The following XKRX variants were observed in gnomAD, a reference collection of about 807,000 sequenced individuals.
XKRX encodes the protein XK-related protein 2.
In XKRX, 11 loss-of-function variants were observed where a neutral mutation model predicts 22.4. The observed-to-expected ratio is 0.49, with a 90% CI of 0.31 to 0.81. XKRX has a LOEUF of 0.81. XKRX is among the 40% of genes least tolerant of loss of function. XKRX has a pLI of 0.05. For missense variants in XKRX, 320 were observed against 336.5 expected (o/e 0.95, Z 0.38); for synonymous variants, 114 against 132.2 (o/e 0.86, Z 0.94).
At chrX:100,935,670 C>G in the XKRX span, among the ~76,000 whole-genome samples, 4 of 112,243 alleles carry the variant, frequency 3.6e-5, no homozygotes, top group Non-Finnish European at 7.5e-5. Flanking sequence ...ACTCTTCCTT[C>G]CGAAACTTCT....
chrX:100,956,806 C>A, the XKRX span: 1 of 585,259 alleles, frequency 1.7e-6, no homozygotes, highest in Non-Finnish European at 3.0e-6. Context: ...GGTTTGTATT[C>A]ATCAAGACAA....
chrX:100,896,942 G>A, the XKRX span, among the ~76,000 whole-genome samples: 2 of 111,859 alleles, frequency 1.8e-5, no homozygotes, highest in South Asian at 7.4e-4. Flanking sequence ...TTATCAAGTT[G>A]GTGGCATAAT....
chrX:100,931,405 C>T (rs2085521670), upstream of XKRX, among the ~76,000 whole-genome samples: 1 of 111,110 alleles, frequency 9.0e-6, no homozygotes, highest in Admixed American at 9.6e-5. Context: ...AGCCAGTTTT[C>T]TCACTTCTCC....
chrX:100,939,883 T>A, the XKRX span, among the ~76,000 whole-genome samples: 1 of 111,921 alleles, frequency 8.9e-6, no homozygotes, highest in South Asian at 3.7e-4. Context: ...ATTAACACAA[T>A]CAGTGGGAAA....
At chrX:100,894,448 T>C in the XKRX span, among the ~76,000 whole-genome samples, 21 of 111,569 alleles carry the variant, frequency 1.9e-4, no homozygotes, top group Non-Finnish European at 3.2e-4. Flanking sequence ...ATTGCATCTT[T>C]AATATTTTGA....
Position 100,928,819 on chromosome X carries a change from G to T in XKRX, c.-515C>A. ...AGAAGAGCGGGCGCAGAAGAAGGAG[G>T]GCAGAAGAGGGGATTCAGTTCAGTG... On this transcript the variant is annotated 5_prime_UTR_variant, in exon 1 of 3. Coordinates refer to ENST00000372956, the MANE Select transcript of XKRX (RefSeq NM_212559.3). 1.3e-6 allele frequency: 1 copy of T among 756,624 alleles called. No homozygotes were observed. The highest frequency in any genetic ancestry group is 1.6e-6 in the Non-Finnish European group (1 of 641,194). 62.4% of individuals were successfully genotyped at this position (756,624 alleles called of 1,213,427 possible).
At chrX:100,889,923 G>A in the XKRX span, among the ~76,000 whole-genome samples, 1 of 111,780 alleles carries the variant, frequency 8.9e-6, no homozygotes, top group South Asian at 3.8e-4. Context: ...AGGATCACCT[G>A]ACCCCAGGAG....
At chrX:100,957,474 A>G in the XKRX span, 1 of 1,194,159 alleles carries the variant, frequency 8.4e-7, no homozygotes, top group Non-Finnish European at 1.1e-6. Flanking sequence ...GCTGGTCTTC[A>G]GGGAGGAAAT....
chrX:100,953,995 C>T, the XKRX span, among the ~76,000 whole-genome samples: 9 of 105,080 alleles, frequency 8.6e-5, no homozygotes, highest in Admixed American at 9.3e-4. Context: ...CTGAAATAGA[C>T]ATTTCTCCAA....
upstream of XKRX, among the ~76,000 whole-genome samples, chrX:100,932,693 C>T (rs1477840730): frequency 2.7e-5 from 3 of 111,969 alleles, no homozygotes; most frequent in Non-Finnish European, 5.6e-5. Context: ...GTAAGAGGTG[C>T]GTGGCATCCA....
chrX:100,888,670 A>G, the XKRX span: 1 of 367,332 alleles, frequency 2.7e-6, no homozygotes, highest in Non-Finnish European at 4.8e-6. Flanking sequence ...TGACAAACGT[A>G]TCTGGAGAGG....
the XKRX span, among the ~76,000 whole-genome samples, chrX:100,937,663 A>G: frequency 8.9e-6 from 1 of 112,219 alleles, no homozygotes; most frequent in East Asian, 2.8e-4. Context: ...GTCCTGGGCC[A>G]GAGTTAAGGT....
At chrX:100,898,289 G>T in the XKRX span, among the ~76,000 whole-genome samples, 1 of 111,413 alleles carries the variant, frequency 9.0e-6, no homozygotes, top group East Asian at 2.8e-4. Context: ...CTTGGTGCAA[G>T]TTGCTTTTGC....
At chrX:100,887,922 C>T in the XKRX span, 362 of 1,120,828 alleles carry the variant, frequency 3.2e-4, 1 homozygote, top group South Asian at 4.7e-3. Context: ...AAAGCCACCA[C>T]GACCACTGAC....
chrX:100,932,453 A>G (rs1007382635), upstream of XKRX, among the ~76,000 whole-genome samples: 2 of 112,015 alleles, frequency 1.8e-5, no homozygotes, highest in East Asian at 5.6e-4. Flanking sequence ...CCTCCTGAGA[A>G]GCACTAGAAT....
the XKRX span, among the ~76,000 whole-genome samples, chrX:100,893,605 C>T: frequency 4.5e-5 from 5 of 111,997 alleles, no homozygotes; most frequent in Non-Finnish European, 9.4e-5. Context: ...AATGTGGTGG[C>T]GATACACCAT....
the XKRX span, among the ~76,000 whole-genome samples, chrX:100,899,241 G>A: frequency 1.8e-5 from 2 of 113,125 alleles, no homozygotes; most frequent in African/African-American, 3.2e-5. Flanking sequence ...CAGGCCGGGC[G>A]TGGTGGCTCA....
the XKRX span, among the ~76,000 whole-genome samples, chrX:100,908,106 A>AGTGTGAGTGTGT: frequency 4.6e-5 from 4 of 86,976 alleles, no homozygotes; most frequent in Non-Finnish European, 6.6e-5. Flanking sequence ...TCATGCATGG[A>AGTGTGAGTGTGT]GTGTGTGTGT....
At chrX:100,922,704 G>A (rs2085478915) in intron 2 of XKRX, 89 bp downstream of exon 2, 1 of 914,698 alleles carries the variant, frequency 1.1e-6, no homozygotes, top group Non-Finnish European at 1.5e-6. Flanking sequence ...GCCACATGAA[G>A]CTAGTGGCCA....
Sources: gnomAD v4.1 joint callset for allele counts (sites outside exome capture counted in the v4.1 genomes callset) on GRCh38, gnomAD v4.1.1 for gene constraint, MANE v1.5 for transcripts, NCBI Gene and HGNC (gene_info 2026-07-23, HGNC 2026-07-21) for gene names.